The following UBE2E2 variants were observed in gnomAD, a reference collection of about 807,000 sequenced individuals.
UBE2E2 encodes the protein ubiquitin conjugating enzyme E2 E2.
Under a neutral mutation model 24.7 loss-of-function variants are expected in UBE2E2, and 6 were observed. That is an observed-to-expected ratio of 0.24 (90% CI 0.13 to 0.48). The LOEUF (loss-of-function observed/expected upper bound fraction) is 0.48. Among genes scored for constraint, UBE2E2 ranks in the 20% least tolerant of loss-of-function variants. The pLI is 0.99. For synonymous variants in UBE2E2, 104 were observed against 83.6 expected, an observed-to-expected ratio of 1.24 and a Z score of -1.33; for missense variants, 169 against 245.0, an observed-to-expected ratio of 0.69 and a Z score of 2.07.
intron 3 of UBE2E2, among the ~76,000 whole-genome samples, chr3:23,380,723 C>A (rs562264933): frequency 1.3e-5 from 2 of 152,240 alleles, no homozygotes; most frequent in East Asian, 1.9e-4. Context: ...TTTGATCTGG[C>A]TGGAGGGGTT....
At chr3:23,361,967 ATACT>A (rs1696127480) in intron 3 of UBE2E2, among the ~76,000 whole-genome samples, 2 of 152,360 alleles carry the variant, frequency 1.3e-5, no homozygotes, top group African/African-American at 2.4e-5. Flanking sequence ...AATTGTATAC[ATACT>A]TAATCTCATA....
chr3:23,458,772 A>G (rs1300062480), intron 3 of UBE2E2, among the ~76,000 whole-genome samples: 2 of 152,158 alleles, frequency 1.3e-5, no homozygotes, highest in Admixed American at 6.5e-5. Flanking sequence ...TAGTGCAGTA[A>G]TTACCAAAAT....
At chr3:23,459,099 ATT>A (rs1698746698) in intron 3 of UBE2E2, among the ~76,000 whole-genome samples, 1 of 152,224 alleles carries the variant, frequency 6.6e-6, no homozygotes, top group South Asian at 2.1e-4. Flanking sequence ...GCCCATACAG[ATT>A]TAAACTAAAC....
intron 5 of UBE2E2, among the ~76,000 whole-genome samples, chr3:23,555,162 C>G (rs1476544276): frequency 1.3e-5 from 2 of 152,088 alleles, no homozygotes; most frequent in Non-Finnish European, 2.9e-5. Flanking sequence ...TGTGATCCAC[C>G]CGCCTCGGCC....
chr3:23,223,727 G>A (rs1696732378), intron 3 of UBE2E2, among the ~76,000 whole-genome samples: 1 of 152,036 alleles, frequency 6.6e-6, no homozygotes, highest in Non-Finnish European at 1.5e-5. Flanking sequence ...GTGCTTTTGA[G>A]ATCTTACACA....
chr3:23,546,715 C>T (rs1313745057), intron 5 of UBE2E2, among the ~76,000 whole-genome samples: 6 of 151,868 alleles, frequency 4.0e-5, no homozygotes, highest in African/African-American at 9.7e-5. Context: ...TCAGGTGATC[C>T]GCCCACCTCA....
intron 3 of UBE2E2, among the ~76,000 whole-genome samples, chr3:23,469,421 T>C (rs1429632407): frequency 1.3e-5 from 2 of 152,140 alleles, no homozygotes; most frequent in Non-Finnish European, 2.9e-5. Context: ...TAGAGAAAAA[T>C]TGATGCCTCT....
intron 3 of UBE2E2, among the ~76,000 whole-genome samples, chr3:23,224,242 C>G (rs150883052): frequency 1.6e-4 from 21 of 128,664 alleles, no homozygotes; most frequent in African/African-American, 6.1e-4. Context: ...CTGTAAATTG[C>G]TTTGGGTAGT....
chr3:23,588,171 TCTA>T (rs906630908), intron 5 of UBE2E2, among the ~76,000 whole-genome samples: 92 of 152,304 alleles, frequency 6.0e-4, no homozygotes, highest in African/African-American at 2.2e-3. Flanking sequence ...TTCCATATTC[TCTA>T]CTATTTTTTT....
intron 3 of UBE2E2, among the ~76,000 whole-genome samples, chr3:23,357,701 C>T (rs372265301): frequency 6.6e-5 from 10 of 152,202 alleles, no homozygotes; most frequent in African/African-American, 2.4e-4. Context: ...AAAAGAAATA[C>T]AGAAAGCTTA....
At chr3:23,462,570 G>A (rs1025559482) in intron 3 of UBE2E2, among the ~76,000 whole-genome samples, 2 of 152,042 alleles carry the variant, frequency 1.3e-5, no homozygotes, top group African/African-American at 2.4e-5. Context: ...TCTTTGCTAG[G>A]CACCAGTCTA....
intron 3 of UBE2E2, among the ~76,000 whole-genome samples, chr3:23,398,445 G>A (rs1410684496): frequency 6.6e-6 from 1 of 152,062 alleles, no homozygotes; most frequent in Admixed American, 6.6e-5. Context: ...CTTTGGGAAT[G>A]GCTGGCTTAT....
chr3:23,480,376 G>A (rs73043637), intron 3 of UBE2E2, among the ~76,000 whole-genome samples: 12,945 of 152,286 alleles, frequency 0.085, 757 homozygotes, highest in Middle Eastern at 0.14. Context: ...GGGGCAGGGA[G>A]CTTCCTAGGC....
At chr3:23,395,358 C>A (rs938341652) in intron 3 of UBE2E2, among the ~76,000 whole-genome samples, 6 of 152,174 alleles carry the variant, frequency 3.9e-5, no homozygotes, top group African/African-American at 1.4e-4. Context: ...ATGAGAGAAA[C>A]AGGCAATTGG....
chr3:23,227,880 A>T (rs777799368), intron 3 of UBE2E2, among the ~76,000 whole-genome samples: 97 of 152,282 alleles, frequency 6.4e-4, no homozygotes, highest in African/African-American at 1.9e-3. Flanking sequence ...ACTTCCTTTT[A>T]TAATTTTTAA....
At chr3:23,331,272 A>T (rs1394459961) in intron 3 of UBE2E2, among the ~76,000 whole-genome samples, 1 of 152,214 alleles carries the variant, frequency 6.6e-6, no homozygotes, top group East Asian at 1.9e-4. Flanking sequence ...CATTAAACAG[A>T]TATTTGTTCA....
intron 5 of UBE2E2, among the ~76,000 whole-genome samples, chr3:23,585,432 G>A (rs1014257780): frequency 6.6e-6 from 1 of 151,436 alleles, no homozygotes; most frequent in Non-Finnish European, 1.5e-5. Context: ...TGATTTAGAG[G>A]AAAGCTTTGT....
intron 5 of UBE2E2, among the ~76,000 whole-genome samples, chr3:23,568,311 G>A (rs144373316): frequency 7.5e-4 from 114 of 152,238 alleles, no homozygotes; most frequent in Non-Finnish European, 2.4e-4. Flanking sequence ...ACTTTGGGGG[G>A]TGGAATTGAT....
chr3:23,364,780 G>A (rs568134047), intron 3 of UBE2E2, among the ~76,000 whole-genome samples: 3 of 152,240 alleles, frequency 2.0e-5, no homozygotes, highest in Non-Finnish European at 2.9e-5. Flanking sequence ...TGTGAGGCTA[G>A]CATCATTATG....
Sources: gnomAD v4.1 joint callset for allele counts (sites outside exome capture counted in the v4.1 genomes callset) on GRCh38, gnomAD v4.1.1 for gene constraint, MANE v1.5 for transcripts, NCBI Gene and HGNC (gene_info 2026-07-23, HGNC 2026-07-21) for gene names.